The following TEK variants were observed in gnomAD, a reference collection of about 807,000 sequenced individuals.
TEK encodes the protein angiopoietin-1 receptor.
TEK carries 43 observed loss-of-function variants against 131.8 expected under a neutral mutation model. The observed-to-expected ratio is 0.33, with a 90% CI of 0.26 to 0.42. TEK has a LOEUF of 0.42. TEK is among the 10% of genes least tolerant of loss of function. The probability of loss-of-function intolerance (pLI) is 1.00; values close to 1 mark genes in which losing one functional copy is unlikely to be tolerated. For missense variants in TEK, 1,162 were observed against 1,384.4 expected (o/e 0.84, Z 2.55); for synonymous variants, 580 against 491.6 (o/e 1.18, Z -2.38).
intron 1 of TEK, among the ~76,000 whole-genome samples, chr9:27,116,644 G>T (rs572497883): frequency 7.2e-5 from 11 of 152,274 alleles, no homozygotes; most frequent in Non-Finnish European, 1.5e-4. Context: ...GAAGGGGATT[G>T]GGCAAGAGAT....
intron 1 of TEK, among the ~76,000 whole-genome samples, chr9:27,131,645 TAAA>T (rs756421404): frequency 1.4e-5 from 2 of 138,168 alleles, no homozygotes; most frequent in East Asian, 2.1e-4. Context: ...CCCCGTCTCT[TAAA>T]AAAAAAAAAA....
At chr9:27,221,647 C>T (rs371434455) in intron 21 of TEK, among the ~76,000 whole-genome samples, 3 of 152,142 alleles carry the variant, frequency 2.0e-5, no homozygotes, top group Admixed American at 1.3e-4. Context: ...CTCCAGCCAA[C>T]TCCAGCAGAC....
intron 1 of TEK, among the ~76,000 whole-genome samples, chr9:27,149,678 C>T (rs142053692): frequency 3.9e-5 from 6 of 152,274 alleles, no homozygotes; most frequent in African/African-American, 1.2e-4. Flanking sequence ...AAATTGCCTT[C>T]TCTGTTGGGA....
At chr9:27,147,977 T>G (rs967084800) in intron 1 of TEK, among the ~76,000 whole-genome samples, 39 of 152,218 alleles carry the variant, frequency 2.6e-4, no homozygotes, top group Admixed American at 2.0e-3. Context: ...GTATTTAATC[T>G]TTCTTTGTCA....
intron 7 of TEK, 107 bp from the exon 8 acceptor site, chr9:27,183,352 A>G: frequency 1.6e-6 from 2 of 1,269,906 alleles, no homozygotes; most frequent in Non-Finnish European, 2.3e-6. Context: ...AAATATTTGC[A>G]AAGTTCTTGC....
chr9:27,151,320 TA>T (rs11337388), intron 1 of TEK, among the ~76,000 whole-genome samples: 1,684 of 152,190 alleles, frequency 0.011, 42 homozygotes, highest in African/African-American at 0.039. Context: ...TACTTTAACA[TA>T]AGGGTTGACA....
chr9:27,185,451 G>T, intron 8 of TEK, 34 bp from the exon 9 acceptor site: 1 of 1,613,182 alleles, frequency 6.2e-7, no homozygotes, highest in Non-Finnish European at 8.5e-7. Context: ...TGCCTCCCTA[G>T]AAGTTTTTAT....
chr9:27,170,994 G>A (rs142688267), intron 4 of TEK, among the ~76,000 whole-genome samples: 363 of 152,222 alleles, frequency 2.4e-3, no homozygotes, highest in Middle Eastern at 6.8e-3. Flanking sequence ...GGACCTCTTG[G>A]GTTAGACTAA....
At chr9:27,229,118 C>T in intron 22 of TEK, 40 bp from the exon 23 acceptor site, 1 of 1,598,664 alleles carries the variant, frequency 6.3e-7, no homozygotes, top group Non-Finnish European at 8.6e-7. Context: ...GAGGTGGAAT[C>T]AAAGCAGCCT....
rs370919733 is a variant in TEK, at chr9:27,174,518, T to C, written c.901+1156T>C. ...AGAAAAAAGTATTAATGAGATATTT[T>C]ACATTCCCTTTTTCATAGTAAGTCT... On this transcript the variant is annotated intron_variant, in intron 6 of 22. Coordinates refer to ENST00000380036, the MANE Select transcript of TEK (RefSeq NM_000459.5). Among the ~76,000 whole-genome samples, 10 of 152,374 alleles carry C rather than the reference T, an allele frequency of 6.6e-5. No homozygotes were observed. In the South Asian group the frequency reaches 2.1e-3, roughly 32 times the overall value.
At position 27,170,856 on chromosome 9, in the gene TEK, G is replaced by A. The variant is rs537804530; in HGVS notation, c.628+1227G>A. Among the ~76,000 whole-genome samples the A allele has an allele frequency of 3.2e-4, 48 of 152,222 alleles. No individual in the cohort carries two copies. The South Asian group carries it at 1.0e-2, about 32-fold the overall frequency. ...GACCAGTGAGCTATAGACAAGGGTGGAGTCACGTACTACACGTTACAGGCA... is the reference window on the plus strand; with the variant it reads ...GACCAGTGAGCTATAGACAAGGGTGAAGTCACGTACTACACGTTACAGGCA... On this transcript the variant is annotated intron_variant, in intron 4 of 22. Coordinates refer to ENST00000380036, the MANE Select transcript of TEK (RefSeq NM_000459.5).
intron 18 of TEK, among the ~76,000 whole-genome samples, chr9:27,214,538 GCTT>G (rs1382768374): frequency 6.6e-6 from 1 of 152,122 alleles, no homozygotes; most frequent in African/African-American, 2.4e-5. Context: ...TCAATTCCAG[GCTT>G]CTTTTTTTCC....
At chr9:27,177,757 T>C (rs1824223442) in intron 6 of TEK, among the ~76,000 whole-genome samples, 2 of 151,624 alleles carry the variant, frequency 1.3e-5, no homozygotes, top group Non-Finnish European at 1.5e-5. Flanking sequence ...TCTCAAAAAA[T>C]GAAAAAGAAA....
rs1825354683 is a variant in TEK at position 27,205,048 on chromosome 9, C to G, written c.2347C>G (p.Gln783Glu). The change falls in exon 14 of 23, where the codon CAA becomes GAA. Residue 783 changes from glutamine (Q) to glutamate (E), a missense_variant. Around this residue, in one of 6 missense-constraint regions of TEK, gnomAD observed 477 missense variants for 471.0 expected, o/e 1.01. Transcript: ENST00000380036. ...KRANVQRRMA[Q>E]AFQNVREEPA... ...GGCAAATGTGCAAAGGAGAATGGCC[C>G]AAGCCTTCCAAAACGTGGTAGTGTC... The G allele has an allele frequency of 3.7e-6, 6 of 1,613,844 alleles. No individual in the cohort carries two copies. Among genetic ancestry groups the G allele is most frequent in the South Asian group, 3.3e-5 (3 of 91,080 alleles).
At chr9:27,223,753 G>T (rs1794745585) in intron 21 of TEK, among the ~76,000 whole-genome samples, 2 of 152,292 alleles carry the variant, frequency 1.3e-5, no homozygotes, top group South Asian at 2.1e-4. Context: ...CAGAAGGCAA[G>T]AAATAACTAA....
At chr9:27,227,353 T>G (rs535183599) in intron 21 of TEK, among the ~76,000 whole-genome samples, 1 of 152,224 alleles carries the variant, frequency 6.6e-6, no homozygotes, top group Non-Finnish European at 1.5e-5. Flanking sequence ...GTGCAAGATA[T>G]AAATACATGA....
rs147302938 is a variant in TEK, at chr9:27,185,124, C to G, written c.1183-361C>G. Among the ~76,000 whole-genome samples the G allele has an allele frequency of 1.1e-3, 171 of 152,070 alleles. 1 individual carries two copies. Among genetic ancestry groups the G allele is most frequent in the African/African-American group, 3.8e-3 (158 of 41,476 alleles). On this transcript the variant is annotated intron_variant, in intron 8 of 22. Transcript: ENST00000380036. ...TCCCCACTTGACAGCCTCTCAAACACTTAGGAAGTCACTTTGTCCTCCCAC... is the reference window on the plus strand; with the variant it reads ...TCCCCACTTGACAGCCTCTCAAACAGTTAGGAAGTCACTTTGTCCTCCCAC...
At chr9:27,122,013 A>G (rs1821812768) in intron 1 of TEK, among the ~76,000 whole-genome samples, 1 of 152,146 alleles carries the variant, frequency 6.6e-6, no homozygotes, top group South Asian at 2.1e-4. Flanking sequence ...GAAAGTGGGT[A>G]TTTGTTAATA....
chr9:27,135,796 G>C (rs1307951903), intron 1 of TEK, among the ~76,000 whole-genome samples: 1 of 151,870 alleles, frequency 6.6e-6, no homozygotes, highest in East Asian at 1.9e-4. Flanking sequence ...ATCTGAGATA[G>C]GCATAGCACT....
Sources: gnomAD v4.1 joint callset for allele counts (sites outside exome capture counted in the v4.1 genomes callset) on GRCh38, gnomAD v4.1.1 for gene constraint, gnomAD v4.1.1 regional missense constraint, MANE v1.5 for transcripts, NCBI Gene and HGNC (gene_info 2026-07-23, HGNC 2026-07-21) for gene names.